Variants in DGLUCY observed in about 807,000 individuals in gnomAD.
DGLUCY encodes D-glutamate cyclase, mitochondrial.
Under a neutral mutation model 58.5 loss-of-function variants are expected in DGLUCY, and 58 were observed. The observed-to-expected ratio is 0.99, with a 90% confidence interval of 0.80 to 1.23. DGLUCY has a LOEUF of 1.23. DGLUCY is among the 50% of genes most tolerant of loss of function. The probability of loss-of-function intolerance (pLI) is 0.00; values close to 1 mark genes in which losing one functional copy is unlikely to be tolerated. For missense variants in DGLUCY, 779 were observed against 784.7 expected (o/e 0.99, Z 0.09); for synonymous variants, 325 against 314.1 (o/e 1.03, Z -0.37).
intron 1 of DGLUCY, among the ~76,000 whole-genome samples, chr14:91,156,103 G>T (rs1302351176): frequency 6.6e-6 from 1 of 151,970 alleles, no homozygotes; most frequent in Non-Finnish European, 1.5e-5. Flanking sequence ...AAGGTGTGTA[G>T]GGTAGCCTCA....
At chr14:91,087,753 G>T (rs555439229) in intron 1 of DGLUCY, among the ~76,000 whole-genome samples, 1 of 152,166 alleles carries the variant, frequency 6.6e-6, no homozygotes, top group Non-Finnish European at 1.5e-5. Flanking sequence ...TAGGGTGGAC[G>T]CGTCAGGTTA....
chr14:91,208,729 A>T (rs949851986), intron 12 of DGLUCY, among the ~76,000 whole-genome samples: 1 of 152,148 alleles, frequency 6.6e-6, no homozygotes, highest in African/African-American at 2.4e-5. Flanking sequence ...AGCCTGGGTG[A>T]CAGAGTCAGA....
intron 2 of DGLUCY, among the ~76,000 whole-genome samples, chr14:91,158,028 C>A (rs114126389): frequency 6.6e-6 from 1 of 152,082 alleles, no homozygotes; most frequent in Non-Finnish European, 1.5e-5. Context: ...CAAATGAGGA[C>A]GGTTATCAGA....
intron 1 of DGLUCY, among the ~76,000 whole-genome samples, chr14:91,083,522 CAAAA>C (rs761458676): frequency 1.9e-5 from 1 of 52,182 alleles, no homozygotes; most frequent in Admixed American, 2.2e-4. Flanking sequence ...GATTCCGTCT[CAAAA>C]AAAAAAAAAA....
At chr14:91,150,641 G>C (rs2047274823) in intron 1 of DGLUCY, among the ~76,000 whole-genome samples, 1 of 151,866 alleles carries the variant, frequency 6.6e-6, no homozygotes, top group South Asian at 2.1e-4. Context: ...AGAGATGGGG[G>C]TCTCGCACTC....
At chr14:91,083,038 A>G (rs1335333013) in intron 1 of DGLUCY, among the ~76,000 whole-genome samples, 1 of 152,188 alleles carries the variant, frequency 6.6e-6, no homozygotes, top group African/African-American at 2.4e-5. Flanking sequence ...GGTTACAGGT[A>G]TAAGCCATCA....
chr14:91,162,900 G>GA (rs77019681), intron 3 of DGLUCY, among the ~76,000 whole-genome samples: 333 of 83,706 alleles, frequency 4.0e-3, no homozygotes, highest in Middle Eastern at 0.016. Flanking sequence ...TCTGTCTCAA[G>GA]AAAAAAAAAA....
intron 1 of DGLUCY, among the ~76,000 whole-genome samples, chr14:91,061,054 A>T (rs1595592663): frequency 6.6e-6 from 1 of 152,192 alleles, no homozygotes; most frequent in South Asian, 2.1e-4. Flanking sequence ...GCTACTGCCG[A>T]AAGAGGCGGG....
At chr14:91,124,206 G>A (rs1405527203) in intron 1 of DGLUCY, among the ~76,000 whole-genome samples, 3 of 152,090 alleles carry the variant, frequency 2.0e-5, no homozygotes, top group Non-Finnish European at 2.9e-5. Flanking sequence ...GATTACAGGC[G>A]TGAGCCACCA....
At chr14:91,200,611 C>G (rs1448908559) in intron 11 of DGLUCY, among the ~76,000 whole-genome samples, 5 of 151,962 alleles carry the variant, frequency 3.3e-5, no homozygotes, top group Admixed American at 6.6e-5. Flanking sequence ...GAGTCTCACT[C>G]TGTTGCCCAG....
At chr14:91,095,784 C>T (rs190848956) in intron 1 of DGLUCY, among the ~76,000 whole-genome samples, 140 of 151,956 alleles carry the variant, frequency 9.2e-4, no homozygotes, top group African/African-American at 3.3e-3. Flanking sequence ...GCCCACCCCT[C>T]CCTCCCCAGC....
chr14:91,103,838 A>G (rs1230753064), upstream of DGLUCY, among the ~76,000 whole-genome samples: 1 of 151,864 alleles, frequency 6.6e-6, no homozygotes, highest in Non-Finnish European at 1.5e-5. Flanking sequence ...ATATATATAC[A>G]CACACATACA....
Position 91,215,743 on chromosome 14 carries a change from C to T in DGLUCY, c.1716+187C>T, listed in dbSNP as rs541153811. The T allele has an allele frequency of 1.3e-5, 19 of 1,472,380 alleles. No individual in the cohort carries two copies. In the East Asian group the frequency reaches 2.3e-4, roughly 18 times the overall value. The allele number at this position is 1,472,380 out of a possible 1,614,324, so 91.2% of individuals were successfully genotyped here. A position where few individuals can be genotyped will look rare whatever the true frequency, so the allele number is the denominator to read the frequency against. ...CTTTAAGCTACTCGCAGTTCTGAAT[C>T]GTGTGGCAGGCCTGATCCAAGTGAC... is the stretch of plus-strand genomic sequence containing the variant. On this transcript the variant is annotated intron_variant, in intron 13 of 13. Coordinates refer to ENST00000256324, the MANE Select transcript of DGLUCY (RefSeq NM_001102368.3).
Position 91,174,038 on chromosome 14 carries a change from C to G in DGLUCY, c.607+599C>G, listed in dbSNP as rs185377113. Among the ~76,000 whole-genome samples the G allele has an allele frequency of 9.9e-5, 15 of 152,122 alleles. No individual in the cohort carries two copies. In the East Asian group the frequency reaches 2.9e-3, roughly 29 times the overall value. On this transcript the variant is annotated intron_variant, in intron 6 of 13. Coordinates refer to ENST00000256324, the MANE Select transcript of DGLUCY (RefSeq NM_001102368.3). ...TGGGACTTTCAGCTCCACCCCTCCC[C>G]GCAACCTCCAGGGAGGAAAGAGGGG...
chr14:91,130,121 A>C (rs927266649), intron 1 of DGLUCY, among the ~76,000 whole-genome samples: 1 of 152,164 alleles, frequency 6.6e-6, no homozygotes, highest in Admixed American at 6.5e-5. Context: ...GGATAATGCT[A>C]ATTTTTTTCC....
At chr14:91,085,221 C>CAA (rs745438426) in intron 1 of DGLUCY, among the ~76,000 whole-genome samples, 113 of 89,248 alleles carry the variant, frequency 1.3e-3, no homozygotes, top group African/African-American at 2.7e-3. Context: ...AACCCTGTCT[C>CAA]AAAAAAAAAA....
At chr14:91,078,800 A>G (rs1297628342) in intron 1 of DGLUCY, among the ~76,000 whole-genome samples, 2 of 152,182 alleles carry the variant, frequency 1.3e-5, no homozygotes, top group African/African-American at 4.8e-5. Context: ...TTAACTGTCC[A>G]GGGACAACCT....
chr14:91,218,168 A>AG (rs1362981863), intron 13 of DGLUCY, among the ~76,000 whole-genome samples: 3 of 152,136 alleles, frequency 2.0e-5, no homozygotes, highest in African/African-American at 4.8e-5. Flanking sequence ...TCTGCCCTAG[A>AG]GGGGCCCAGA....
At chr14:91,170,340 G>A (rs1195874132) in intron 5 of DGLUCY, 139 bp downstream of exon 5, 9 of 958,232 alleles carry the variant, frequency 9.4e-6, no homozygotes. Flanking sequence ...ATTTCTAGCT[G>A]TGCAACCCAG....
Sources: allele counts gnomAD v4.1 joint callset (sites outside exome capture counted in the v4.1 genomes callset), GRCh38; gene constraint gnomAD v4.1.1; transcripts MANE v1.5; gene names NCBI Gene and HGNC (gene_info 2026-07-23, HGNC 2026-07-21).